The following STK32B variants were observed in gnomAD, a reference collection of about 807,000 sequenced individuals.
The protein encoded by STK32B is serine/threonine-protein kinase 32B.
A neutral mutation model predicts 52.6 loss-of-function variants in STK32B; 43 were observed. That is an observed-to-expected ratio of 0.82 (90% CI 0.64 to 1.05). STK32B has a LOEUF of 1.05. Ranked by LOEUF, STK32B falls within the 50% of genes least tolerant of loss-of-function variation. The pLI is 0.00. For synonymous variants in STK32B, 238 were observed against 204.3 expected, an observed-to-expected ratio of 1.17 and a Z score of -1.41; for missense variants, 621 against 534.6, an observed-to-expected ratio of 1.16 and a Z score of -1.59.
At chr4:5,124,035 G>A (rs1715216175) in intron 1 of STK32B, among the ~76,000 whole-genome samples, 1 of 152,136 alleles carries the variant, frequency 6.6e-6, no homozygotes, top group Non-Finnish European at 1.5e-5. Flanking sequence ...TTAGAGCAGA[G>A]GAGAAGAGAG....
At chr4:5,413,426 A>G (rs1560391641) in intron 5 of STK32B, among the ~76,000 whole-genome samples, 2 of 152,172 alleles carry the variant, frequency 1.3e-5, no homozygotes, top group East Asian at 1.9e-4. Context: ...TGCCTTCTCC[A>G]TGGACAGCCT....
At chr4:5,376,274 A>C (rs1435204297) in intron 4 of STK32B, among the ~76,000 whole-genome samples, 1 of 152,096 alleles carries the variant, frequency 6.6e-6, no homozygotes, top group African/African-American at 2.4e-5. Context: ...TGCTTCCTTT[A>C]TTCTTTTACA....
intron 7 of STK32B, among the ~76,000 whole-genome samples, chr4:5,450,331 C>G (rs1460656174): frequency 2.6e-5 from 4 of 152,188 alleles, no homozygotes; most frequent in Non-Finnish European, 5.9e-5. Context: ...ATCTCCCTTC[C>G]CCTGACCATA....
chr4:5,022,187 T>G, the STK32B span, among the ~76,000 whole-genome samples: 1 of 152,286 alleles, frequency 6.6e-6, no homozygotes, highest in Admixed American at 6.5e-5. Context: ...CTGGCATCTG[T>G]CTCCTTTAAT....
At chr4:5,124,126 G>C (rs1466088287) in intron 1 of STK32B, among the ~76,000 whole-genome samples, 2 of 152,138 alleles carry the variant, frequency 1.3e-5, no homozygotes, top group Non-Finnish European at 2.9e-5. Context: ...CATCCTCCCA[G>C]TTTGTTGGCC....
intron 3 of STK32B, among the ~76,000 whole-genome samples, chr4:5,268,029 G>A (rs1727165312): frequency 6.6e-6 from 1 of 152,190 alleles, no homozygotes; most frequent in South Asian, 2.1e-4. Context: ...CAGGACAGCA[G>A]TTGGTTCAGG....
At chr4:5,226,621 A>G (rs1723891819) in intron 3 of STK32B, among the ~76,000 whole-genome samples, 1 of 152,218 alleles carries the variant, frequency 6.6e-6, no homozygotes, top group Non-Finnish European at 1.5e-5. Flanking sequence ...ATCAACTGTC[A>G]GAGTTTTTCA....
rs529669348 is a variant in STK32B, at chr4:5,488,951, A to G, written c.1107-9994A>G. Among the ~76,000 whole-genome samples, 7 of 152,152 alleles carry G rather than the reference A, an allele frequency of 4.6e-5. No homozygotes were observed. In the South Asian group the frequency reaches 1.2e-3, roughly 27 times the overall value. On this transcript the variant is annotated intron_variant, in intron 11 of 11. Transcript: ENST00000282908. ...TTCTTATTAAAAACTTCATATTTTT[A>G]TATTTTATATACAGAATGTTATATG... is the stretch of plus-strand genomic sequence containing the variant.
chr4:5,159,000 A>G (rs1718093944), intron 2 of STK32B, among the ~76,000 whole-genome samples: 1 of 152,194 alleles, frequency 6.6e-6, no homozygotes, highest in African/African-American at 2.4e-5. Flanking sequence ...CACCTACCCC[A>G]TCACTCACCT....
chr4:5,114,542 A>G (rs1160614995), intron 1 of STK32B, among the ~76,000 whole-genome samples: 1 of 152,132 alleles, frequency 6.6e-6, no homozygotes, highest in Non-Finnish European at 1.5e-5. Flanking sequence ...CCCAGTAAAT[A>G]TGCATTAGAT....
At chr4:5,373,076 G>A (rs1560362018) in intron 4 of STK32B, among the ~76,000 whole-genome samples, 1 of 152,172 alleles carries the variant, frequency 6.6e-6, no homozygotes, top group Non-Finnish European at 1.5e-5. Context: ...GTGGAGGGTG[G>A]GGAGGGGAGA....
the STK32B span, among the ~76,000 whole-genome samples, chr4:5,034,222 T>G: frequency 6.6e-6 from 1 of 152,216 alleles, no homozygotes; most frequent in African/African-American, 2.4e-5. Context: ...AAGCAGCCAC[T>G]GCGTCTCTTG....
the STK32B span, among the ~76,000 whole-genome samples, chr4:5,020,038 C>A: frequency 6.6e-6 from 1 of 152,132 alleles, no homozygotes; most frequent in African/African-American, 2.4e-5. Context: ...TCTCAGAAGC[C>A]GTGTGTGTCT....
chr4:5,200,027 A>T (rs1028405261), intron 3 of STK32B, among the ~76,000 whole-genome samples: 1 of 152,142 alleles, frequency 6.6e-6, no homozygotes, highest in African/African-American at 2.4e-5. Flanking sequence ...TGTAGGAACA[A>T]AGGCCCCACC....
At chr4:5,065,592 G>T (rs550714519) in intron 1 of STK32B, among the ~76,000 whole-genome samples, 2 of 152,174 alleles carry the variant, frequency 1.3e-5, no homozygotes, top group African/African-American at 2.4e-5. Flanking sequence ...GCCTTGATTG[G>T]CAATGCCTAG....
chr4:5,371,240 A>G (rs1735221564), intron 4 of STK32B, among the ~76,000 whole-genome samples: 1 of 152,096 alleles, frequency 6.6e-6, no homozygotes, highest in Non-Finnish European at 1.5e-5. Context: ...CTAAGAGGAG[A>G]CATCAAGGTA....
intron 4 of STK32B, among the ~76,000 whole-genome samples, chr4:5,374,936 G>A (rs540927087): frequency 5.3e-5 from 8 of 152,180 alleles, no homozygotes; most frequent in South Asian, 2.1e-4. Flanking sequence ...ATTAGCAAGC[G>A]TCCAAAGTTA....
At chr4:5,364,216 T>A (rs2109002619) in intron 4 of STK32B, among the ~76,000 whole-genome samples, 1 of 152,318 alleles carries the variant, frequency 6.6e-6, no homozygotes, top group South Asian at 2.1e-4. Flanking sequence ...TACAGCATCT[T>A]GTCATAATTG....
At chr4:5,181,329 GACACACACACAC>G (rs751590603) in intron 3 of STK32B, among the ~76,000 whole-genome samples, 19 of 138,122 alleles carry the variant, frequency 1.4e-4, no homozygotes, top group Non-Finnish European at 2.5e-4. Context: ...TGGAGAGTGA[GACACACACACAC>G]ACACACACAC....
Sources: gnomAD v4.1 joint callset for allele counts (sites outside exome capture counted in the v4.1 genomes callset) on GRCh38, gnomAD v4.1.1 for gene constraint, MANE v1.5 for transcripts, NCBI Gene and HGNC (gene_info 2026-07-23, HGNC 2026-07-21) for gene names.